The following CEP104 variants were observed in gnomAD, a reference collection of about 807,000 sequenced individuals.
CEP104 encodes the protein centrosomal protein of 104 kDa.
A neutral mutation model predicts 113.3 loss-of-function variants in CEP104; 84 were observed. The ratio of observed to expected loss-of-function variants is 0.74; its 90% CI spans 0.62 to 0.89. The LOEUF (loss-of-function observed/expected upper bound fraction) is 0.89, where lower values mean the gene tolerates loss of function less well. Ranked by LOEUF, CEP104 falls within the 40% of genes least tolerant of loss-of-function variation. The pLI, the probability that CEP104 is intolerant of heterozygous loss-of-function variation, is 0.00. For synonymous variants in CEP104, 378 were observed against 421.7 expected, an observed-to-expected ratio of 0.90 and a Z score of 1.27; for missense variants, 1,053 against 1,156.6, an observed-to-expected ratio of 0.91 and a Z score of 1.30.
In CEP104 at chr1:3,812,166, T is replaced by C. The variant is rs1048426352; in HGVS notation, c.*3236A>G. On this transcript the variant is annotated 3_prime_UTR_variant, in exon 22 of 22. Coordinates refer to ENST00000378230, the MANE Select transcript of CEP104 (RefSeq NM_014704.4). ...TAAAACGACAACAAAAATATATTAC[T>C]TAGATATTTTGTAATTCTGGTACTT... 3 of 152,162 alleles carry C rather than the reference T, an allele frequency of 2.0e-5. No homozygotes were observed. Among genetic ancestry groups the C allele is most frequent in the Non-Finnish European group, 4.4e-5 (3 of 68,020 alleles). 9.4% of individuals were successfully genotyped at this position (152,162 alleles called of 1,614,324 possible).
chr1:3,820,303 T>C (rs569363006), intron 20 of CEP104, among the ~76,000 whole-genome samples: 9 of 152,156 alleles, frequency 5.9e-5, no homozygotes, highest in Non-Finnish European at 1.0e-4. Flanking sequence ...GAGGGGATGA[T>C]GGGCATTGCA....
chr1:3,836,716 A>C, intron 9 of CEP104, 24 bp from the exon 10 acceptor site: 1 of 1,610,592 alleles, frequency 6.2e-7, no homozygotes, highest in East Asian at 2.2e-5. Context: ...AGGAGAGAGG[A>C]AAGTGCTGGG....
At chr1:3,835,227 A>G (rs984886272) in intron 10 of CEP104, 135 bp from the exon 11 acceptor site, 56 of 571,130 alleles carry the variant, frequency 9.8e-5, no homozygotes, top group Middle Eastern at 4.7e-4. Flanking sequence ...AAAATGATTC[A>G]TTTCTAATAA....
chr1:3,851,788 T>C (rs1426604412), intron 2 of CEP104, among the ~76,000 whole-genome samples: 1 of 152,226 alleles, frequency 6.6e-6, no homozygotes, highest in Non-Finnish European at 1.5e-5. Flanking sequence ...TAGCTGGGAC[T>C]GCAGGCGGGA....
chr1:3,831,756 C>T (rs762537075), intron 12 of CEP104, among the ~76,000 whole-genome samples: 7 of 151,972 alleles, frequency 4.6e-5, no homozygotes, highest in East Asian at 1.9e-4. Flanking sequence ...CTTAATTAAC[C>T]GGATATAGAG....
Position 3,816,141 on chromosome 1 carries a change from C to T in CEP104, c.2662+139G>A, listed in dbSNP as rs576130101. On this transcript the variant is annotated intron_variant, in intron 21 of 21. Transcript: ENST00000378230. ...TAGCCTGCTTACTAAGGAACCAGAA[C>T]ATGAAGACAGGCTTGGATGCTTTAT... 4.1e-5 allele frequency: 28 copies of T among 678,070 alleles called. No individual in the cohort carries two copies. In the East Asian group the frequency reaches 7.2e-4, roughly 17 times the overall value. 42.0% of individuals were successfully genotyped at this position (678,070 alleles called of 1,614,324 possible). A position where few individuals can be genotyped will look rare whatever the true frequency, so the allele number is the denominator to read the frequency against.
At chr1:3,836,925 A>G (rs1644326085) in intron 9 of CEP104, 2 of 531,808 alleles carry the variant, frequency 3.8e-6, no homozygotes, top group Non-Finnish European at 6.6e-6. Context: ...CTAATAAAAA[A>G]AAGCAAGGTA....
At position 3,854,870 on chromosome 1, in the gene CEP104, ATTTTT is replaced by A. The variant is rs36065862; in HGVS notation, c.-15+2014_-15+2018del. ...CAGGCTGTTGGGTTCCAGTCTCCAA[ATTTTT>A]TTTTTTTTTTTTTTGAGAGAGGGTC... On this transcript the variant is annotated intron_variant, in intron 1 of 21. Transcript: ENST00000378230. 2.4e-5 allele frequency among the ~76,000 whole-genome samples: 3 copies of A among 122,978 alleles called. No individual in the cohort carries two copies. In the South Asian group the frequency reaches 8.0e-4, roughly 33 times the overall value. 80.7% of individuals were successfully genotyped at this position (122,978 alleles called of 152,430 possible). A position where few individuals can be genotyped will look rare whatever the true frequency, so the allele number is the denominator to read the frequency against.
chr1:3,843,434 T>G, intron 6 of CEP104: 1 of 486,790 alleles, frequency 2.1e-6, no homozygotes, highest in Non-Finnish European at 3.6e-6. Flanking sequence ...TGGAATACAG[T>G]GGCATGATCT....
Position 3,822,976 on chromosome 1 carries a change from A to T in CEP104, c.2571+198T>A. 4.9e-6 allele frequency: 3 copies of T among 614,280 alleles called. No individual in the cohort carries two copies. In the Admixed American group the frequency reaches 7.8e-5, roughly 16 times the overall value. The allele number at this position is 614,280 out of a possible 1,614,324, so 38.1% of individuals were successfully genotyped here. On this transcript the variant is annotated intron_variant, in intron 20 of 21. Transcript: ENST00000378230. Reference sequence around the variant, plus strand: ...TCCTCGATAAACCATTCATAAATGTACGGAAGGAAATCATGTGAACACGTA... The same window carrying T: ...TCCTCGATAAACCATTCATAAATGTTCGGAAGGAAATCATGTGAACACGTA...
In CEP104 at chr1:3,819,744, G is replaced by A. The variant is rs945299385; in HGVS notation, c.2572-3374C>T. 8.5e-5 allele frequency among the ~76,000 whole-genome samples: 13 copies of A among 152,186 alleles called. No homozygotes were observed. Among genetic ancestry groups the A allele is most frequent in the South Asian group, 8.3e-4 (4 of 4,834 alleles). ...GCAGGCAGGAGAGAAGGGAGGGAACGCTGAAGAGAGAAAAAATATTTGAAG... is the reference window on the plus strand; with the variant it reads ...GCAGGCAGGAGAGAAGGGAGGGAACACTGAAGAGAGAAAAAATATTTGAAG... On this transcript the variant is annotated intron_variant, in intron 20 of 21. Coordinates refer to ENST00000378230, the MANE Select transcript of CEP104 (RefSeq NM_014704.4). This position sits in a 1 kb window ranked among gnomAD's most constrained non-coding sequence, Gnocchi z 4.6.
At chr1:3,824,328 C>T (rs910476341) in intron 18 of CEP104, among the ~76,000 whole-genome samples, 5 of 152,146 alleles carry the variant, frequency 3.3e-5, no homozygotes, top group Non-Finnish European at 4.4e-5. Flanking sequence ...TCAGGTGATC[C>T]GCCCGCCTCA....
rs1386709921 is a variant in CEP104 at position 3,852,438 on chromosome 1, G to A, written c.-14-17C>T. On this transcript the variant is annotated splice_polypyrimidine_tract_variant and intron_variant, in intron 1 of 21. Coordinates refer to ENST00000378230, the MANE Select transcript of CEP104 (RefSeq NM_014704.4). ...ACGTTTGGGCTGTTTATAAGAGCAGGAAAAACTTCTTTAAAACAAAGGAAT... is the reference window on the plus strand; with the variant it reads ...ACGTTTGGGCTGTTTATAAGAGCAGAAAAAACTTCTTTAAAACAAAGGAAT... The A allele has an allele frequency of 6.3e-7, 1 of 1,594,318 alleles. No individual in the cohort carries two copies. The highest frequency in any genetic ancestry group is 8.6e-7 in the Non-Finnish European group (1 of 1,169,030).
intron 4 of CEP104, among the ~76,000 whole-genome samples, chr1:3,846,623 AT>A (rs1440133457): frequency 6.6e-6 from 1 of 152,212 alleles, no homozygotes; most frequent in Admixed American, 6.5e-5. Context: ...TGGTAAATAC[AT>A]GCAGGTGGGT....
chr1:3,840,067 C>T (rs775456235), intron 6 of CEP104, among the ~76,000 whole-genome samples: 50 of 152,004 alleles, frequency 3.3e-4, no homozygotes, highest in Non-Finnish European at 5.6e-4. Flanking sequence ...CTCTGGGCCT[C>T]GCCTCGTTAT....
intron 6 of CEP104, among the ~76,000 whole-genome samples, chr1:3,844,364 T>G (rs978236739): frequency 3.9e-5 from 6 of 152,036 alleles, no homozygotes; most frequent in Non-Finnish European, 8.8e-5. Context: ...TCCCATCACT[T>G]TGGGAGGCTG....
chr1:3,836,467 C>A, intron 10 of CEP104, 28 bp downstream of exon 10: 1 of 1,187,200 alleles, frequency 8.4e-7, no homozygotes. Context: ...TCTGCCACCC[C>A]GTTTTTTTTT....
At chr1:3,820,231 G>A (rs980635669) in intron 20 of CEP104, among the ~76,000 whole-genome samples, 1 of 152,162 alleles carries the variant, frequency 6.6e-6, no homozygotes, top group African/African-American at 2.4e-5. Context: ...GGAAGAAAAG[G>A]CAGTTACAGG....
chr1:3,843,153 C>G (rs943786160), intron 6 of CEP104: 4 of 675,058 alleles, frequency 5.9e-6, no homozygotes, highest in African/African-American at 5.6e-5. Flanking sequence ...CCCTTCTTTC[C>G]TTTAGACCAG....
Sources: allele counts gnomAD v4.1 joint callset (sites outside exome capture counted in the v4.1 genomes callset), GRCh38; gene constraint gnomAD v4.1.1; non-coding constraint Gnocchi (gnomAD v3.1); transcripts MANE v1.5; gene names NCBI Gene and HGNC (gene_info 2026-07-23, HGNC 2026-07-21).